The following DLG1 variants were observed in gnomAD, a reference collection of about 807,000 sequenced individuals.
DLG1 encodes the protein discs large MAGUK scaffold protein 1, also known as disks large homolog 1.
A neutral mutation model predicts 123.4 loss-of-function variants in DLG1; 42 were observed. The observed-to-expected ratio is 0.34, with a 90% CI of 0.27 to 0.44. The LOEUF is 0.44. Ranked by LOEUF, DLG1 falls within the 20% of genes least tolerant of loss-of-function variation. The pLI, the probability that DLG1 is intolerant of heterozygous loss-of-function variation, is 1.00. For missense variants in DLG1, 942 were observed against 1,082.6 expected (o/e 0.87, Z 1.82); for synonymous variants, 317 against 356.2 (o/e 0.89, Z 1.24).
rs770012807 is a variant in DLG1 at position 197,296,326 on chromosome 3, T to TA, written c.151+19dup. 2 of 1,608,828 alleles carry TA rather than the reference T, an allele frequency of 1.2e-6. No individual in the cohort carries two copies. The highest frequency in any genetic ancestry group is 2.2e-5 in the East Asian group (1 of 44,746). On this transcript the variant is annotated intron_variant, in intron 3 of 24. Transcript: ENST00000667157. ...CATAAAGCCTAGCTGGCATAATAGT[T>TA]ACGAAGTTTTAATTCCCACCTATTA...
chr3:197,298,780 A>G, upstream of DLG1: 1 of 394,830 alleles, frequency 2.5e-6, no homozygotes, highest in Non-Finnish European at 4.5e-6. Context: ...GTCCCTTAGT[A>G]ATAGGCTTGG....
chr3:197,138,059 G>A (rs1015705551), intron 9 of DLG1, among the ~76,000 whole-genome samples, 163 bp downstream of exon 9: 4 of 151,888 alleles, frequency 2.6e-5, no homozygotes, highest in African/African-American at 7.3e-5. Flanking sequence ...AAAATGCTAC[G>A]TAAGACAAAA....
chr3:197,221,288 C>T (rs559044559), intron 4 of DLG1, among the ~76,000 whole-genome samples: 2 of 152,166 alleles, frequency 1.3e-5, no homozygotes, highest in Admixed American at 6.5e-5. Flanking sequence ...GAGAACAAGG[C>T]GGGTGGATCA....
intron 4 of DLG1, among the ~76,000 whole-genome samples, chr3:197,232,209 T>C (rs1488412810): frequency 6.6e-6 from 1 of 151,760 alleles, no homozygotes; most frequent in Non-Finnish European, 1.5e-5. Context: ...GTGATAAAAA[T>C]GTGAAAGAAG....
chr3:197,165,486 C>T (rs1409647023), intron 5 of DLG1, among the ~76,000 whole-genome samples: 1 of 152,122 alleles, frequency 6.6e-6, no homozygotes, highest in African/African-American at 2.4e-5. Flanking sequence ...CTGAATTGTA[C>T]ATTAACAAAT....
At chr3:197,145,782 A>G (rs1321920445) in intron 6 of DLG1, among the ~76,000 whole-genome samples, 5 of 150,784 alleles carry the variant, frequency 3.3e-5, no homozygotes, top group African/African-American at 1.2e-4. Flanking sequence ...CTTTTTAGGT[A>G]GCACTGAGTA....
chr3:197,074,883 G>A (rs559038036), intron 18 of DLG1, among the ~76,000 whole-genome samples: 1 of 152,162 alleles, frequency 6.6e-6, no homozygotes, highest in Non-Finnish European at 1.5e-5. Context: ...GTTTATTAAT[G>A]TAGGTCTTAG....
intron 4 of DLG1, among the ~76,000 whole-genome samples, chr3:197,218,474 T>A (rs923924580): frequency 6.6e-6 from 1 of 152,206 alleles, no homozygotes; most frequent in African/African-American, 2.4e-5. Context: ...AAAACACAGC[T>A]ATACTGTCAG....
intron 18 of DLG1, among the ~76,000 whole-genome samples, chr3:197,072,992 C>T (rs1287132395): frequency 6.6e-6 from 1 of 152,156 alleles, no homozygotes. Flanking sequence ...TCACCGCGCC[C>T]AGCCTGTTTA....
At chr3:197,222,203 C>A (rs1737476684) in intron 4 of DLG1, among the ~76,000 whole-genome samples, 1 of 152,170 alleles carries the variant, frequency 6.6e-6, no homozygotes, top group Non-Finnish European at 1.5e-5. Context: ...CTAGGAGAGT[C>A]CGTGTGACAC....
chr3:197,256,262 T>G (rs562858101), intron 4 of DLG1, among the ~76,000 whole-genome samples: 166 of 152,382 alleles, frequency 1.1e-3, no homozygotes, highest in Non-Finnish European at 7.3e-5. Flanking sequence ...ATATGCTCAC[T>G]GCTGCAACTA....
intron 14 of DLG1, among the ~76,000 whole-genome samples, chr3:197,095,097 A>C (rs1017066927): frequency 6.6e-6 from 1 of 152,080 alleles, no homozygotes; most frequent in Non-Finnish European, 1.5e-5. Flanking sequence ...TGTCACTTTC[A>C]AATCTTTTGT....
At chr3:197,155,864 G>C (rs890326872) in intron 5 of DLG1, among the ~76,000 whole-genome samples, 1 of 152,088 alleles carries the variant, frequency 6.6e-6, no homozygotes, top group South Asian at 2.1e-4. Flanking sequence ...CGGGAGAATC[G>C]ATTGGGCCCA....
chr3:197,220,213 T>C (rs1413573684), intron 4 of DLG1, among the ~76,000 whole-genome samples: 1 of 152,206 alleles, frequency 6.6e-6, no homozygotes, highest in Admixed American at 6.5e-5. Context: ...AATAATTTTC[T>C]TCATAAAAAT....
At chr3:197,053,415 A>G (rs1729317313) in intron 23 of DLG1, among the ~76,000 whole-genome samples, 1 of 152,056 alleles carries the variant, frequency 6.6e-6, no homozygotes, top group African/African-American at 2.4e-5. Flanking sequence ...GTTGACAGTT[A>G]AATTTTTTTT....
intron 3 of DLG1, among the ~76,000 whole-genome samples, chr3:197,293,367 C>T (rs190539426): frequency 1.3e-5 from 2 of 152,316 alleles, no homozygotes; most frequent in African/African-American, 4.8e-5. Flanking sequence ...TTCAAAGATA[C>T]TACCAAGTAT....
chr3:197,129,436 T>C lies in DLG1; in HGVS notation c.1165+1091A>G, dbSNP rs146341145. Reference sequence around the variant, plus strand: ...TAGGGTCTTGTTCTGGATTAGGCTTTGGTTTGAAGGAATCTTATGGTTGGT... The same window carrying C: ...TAGGGTCTTGTTCTGGATTAGGCTTCGGTTTGAAGGAATCTTATGGTTGGT... On this transcript the variant is annotated intron_variant, in intron 11 of 24. Transcript: ENST00000667157. 4.2e-3 allele frequency among the ~76,000 whole-genome samples: 646 copies of C among 152,378 alleles called. 3 individuals are homozygous for C. The highest frequency in any genetic ancestry group is 7.0e-3 in the Non-Finnish European group (478 of 68,038).
intron 11 of DLG1, among the ~76,000 whole-genome samples, chr3:197,124,141 G>A (rs1777806200): frequency 1.3e-5 from 2 of 152,192 alleles, no homozygotes; most frequent in Non-Finnish European, 2.9e-5. Flanking sequence ...TGATGTGGGA[G>A]GATGGCCTGA....
intron 3 of DLG1, among the ~76,000 whole-genome samples, chr3:197,287,322 C>T (rs572793356): frequency 6.9e-4 from 105 of 152,240 alleles, no homozygotes; most frequent in Non-Finnish European, 1.0e-3. Flanking sequence ...CAATCTCATA[C>T]TTTATATCAA....
Sources: allele counts gnomAD v4.1 joint callset (sites outside exome capture counted in the v4.1 genomes callset), GRCh38; gene constraint gnomAD v4.1.1; transcripts MANE v1.5; gene names NCBI Gene and HGNC (gene_info 2026-07-23, HGNC 2026-07-21).